POTEF: variants seen among roughly 807,000 people sequenced by gnomAD.
POTEF encodes the protein ANKRD26-like family C member 1B.
A neutral mutation model predicts 83.2 loss-of-function variants in POTEF; 20 were observed. The ratio of observed to expected loss-of-function variants is 0.24; its 90% CI spans 0.17 to 0.35. POTEF has a LOEUF of 0.35. POTEF is among the 10% of genes least tolerant of loss of function. POTEF has a pLI of 1.00. For synonymous variants in POTEF, 196 were observed against 446.4 expected (o/e 0.44, Z 7.07); for missense variants, 550 against 1,203.2 (o/e 0.46, Z 8.03).
intron 2 of POTEF, among the ~76,000 whole-genome samples, chr2:130,121,897 G>C (rs1468006002): frequency 7.3e-6 from 1 of 137,050 alleles, no homozygotes; most frequent in Non-Finnish European, 1.6e-5. Context: ...CATGATTTTA[G>C]AACATTTTTA....
rs552606995 is a variant in POTEF, at chr2:130,125,998, A to G, written c.-94+1711T>C. On this transcript the variant is annotated intron_variant, in intron 2 of 16. Coordinates refer to ENST00000409914, the MANE Select transcript of POTEF (RefSeq NM_001099771.2). ...ACCAGGTTTGCTCAGGCAGATGACA[A>G]TACTCTTGAAAATGGTGGCAGAGAG... 2.0e-5 allele frequency among the ~76,000 whole-genome samples: 3 copies of G among 151,800 alleles called. No individual in the cohort carries two copies. In the South Asian group the frequency reaches 6.2e-4, roughly 32 times the overall value.
At chr2:130,109,504 C>T (rs1448635686) in intron 7 of POTEF, 2 of 150,010 alleles carry the variant, frequency 1.3e-5, no homozygotes, top group African/African-American at 5.0e-5. Context: ...TAAATCAGAT[C>T]ACTCAAGGGG....
Position 130,074,966 on chromosome 2 carries a change from T to C in POTEF, c.2506A>G (p.Ile836Val), listed in dbSNP as rs1477966464. Residue 836 changes from isoleucine (I) to valine (V), a missense_variant, in exon 17 of 17, where the codon ATC (isoleucine) becomes GTC (valine). Coordinates refer to ENST00000409914, the MANE Select transcript of POTEF (RefSeq NM_001099771.2). ...TFNTPAMYVA[I>V]QAVLSLYTSG... Reference sequence around the variant, plus strand: ...GTGTACAGGGACAGCACAGCCTGGATGGCCACGTACATGGCTGGGGTGTTG... The same window carrying C: ...GTGTACAGGGACAGCACAGCCTGGACGGCCACGTACATGGCTGGGGTGTTG... The C allele has an allele frequency of 6.2e-7, 1 of 1,612,096 alleles. No individual in the cohort carries two copies. Among genetic ancestry groups the C allele is most frequent in the Non-Finnish European group, 8.5e-7 (1 of 1,179,588 alleles).
intron 3 of POTEF, among the ~76,000 whole-genome samples, chr2:130,116,034 G>A (rs1466984965): frequency 1.3e-5 from 2 of 152,068 alleles, no homozygotes; most frequent in Admixed American, 6.5e-5. Flanking sequence ...GTTATAACAG[G>A]TCCGGGGCGG....
chr2:130,111,796 TATA>T (rs1337776028), intron 6 of POTEF, among the ~76,000 whole-genome samples, 196 bp downstream of exon 6: 4 of 146,704 alleles, frequency 2.7e-5, no homozygotes, highest in East Asian at 2.0e-4. Flanking sequence ...CATCAGTCAA[TATA>T]ATAAGAGAAG....
In POTEF at chr2:130,120,476, C is replaced by T; in HGVS notation, c.40G>A (p.Val14Met). Residue 14 changes from valine to methionine, a missense_variant, in exon 3 of 17, where the codon GTG (valine) becomes ATG (methionine). Coordinates refer to ENST00000409914, the MANE Select transcript of POTEF (RefSeq NM_001099771.2). ...CTCCTGAGACCAAATGGCTTCTTCA[C>T]AGAAGAGGCAGCCGGCATGGAATCA... ...EVDSMPAASS[V>M]KKPFGLRSKM... The T allele has an allele frequency of 6.2e-7, 1 of 1,613,548 alleles. No homozygotes were observed. Among genetic ancestry groups the T allele is most frequent in the Non-Finnish European group, 8.5e-7 (1 of 1,179,866 alleles).
Position 130,107,885 on chromosome 2 carries a change from A to G in POTEF, c.1126+124T>C, listed in dbSNP as rs564235127. On this transcript the variant is annotated intron_variant, in intron 8 of 16. Transcript: ENST00000409914. ...AGCACAATAAATGTAACATGATTGA[A>G]TAATCCTGAAACCATCCCCACCCTC... 49 of 840,984 alleles carry G rather than the reference A, an allele frequency of 5.8e-5. 1 individual carries two copies. In the African/African-American group the frequency reaches 8.6e-4, roughly 15 times the overall value. 52.1% of individuals were successfully genotyped at this position (840,984 alleles called of 1,614,324 possible). A position where few individuals can be genotyped will look rare whatever the true frequency, so the allele number is the denominator to read the frequency against.
chr2:130,075,834 G>A (rs1312943592), intron 16 of POTEF, among the ~76,000 whole-genome samples: 2 of 147,002 alleles, frequency 1.4e-5, no homozygotes, highest in South Asian at 2.2e-4. Context: ...TTTATTTAAA[G>A]ACGATGAAAA....
intron 3 of POTEF, among the ~76,000 whole-genome samples, chr2:130,115,581 G>C (rs1684826706): frequency 6.6e-6 from 1 of 152,262 alleles, no homozygotes; most frequent in African/African-American, 2.4e-5. Context: ...CCTACTTGAA[G>C]CTCTGTCACT....
intron 3 of POTEF, among the ~76,000 whole-genome samples, chr2:130,118,318 G>A (rs1054495157): frequency 2.0e-5 from 3 of 151,884 alleles, no homozygotes; most frequent in African/African-American, 2.4e-5. Flanking sequence ...TACCAGGAAC[G>A]CTATCTTTTC....
chr2:130,106,919 G>A (rs909418478), intron 8 of POTEF, among the ~76,000 whole-genome samples: 5 of 149,980 alleles, frequency 3.3e-5, no homozygotes, highest in Non-Finnish European at 7.4e-5. Flanking sequence ...GCACAGAAAT[G>A]AAATGGAGAC....
At position 130,107,750 on chromosome 2, in the gene POTEF, T is replaced by A. The variant is rs866153070; in HGVS notation, c.1126+259A>T. On this transcript the variant is annotated intron_variant, in intron 8 of 16. Transcript: ENST00000409914. ...GTCACTGTCTCACTTTGCCCCCAGA[T>A]GAGACCATCCAGTTGCAGAAAAATA... 4.4e-5 allele frequency: 19 copies of A among 434,452 alleles called. 1 individual carries two copies. Among genetic ancestry groups the A allele is most frequent in the African/African-American group, 3.6e-4 (17 of 47,652 alleles). 26.9% of individuals were successfully genotyped at this position (434,452 alleles called of 1,614,324 possible).
In POTEF at chr2:130,075,158, C is replaced by G. The variant is rs778592105; in HGVS notation, c.2314G>C (p.Glu772Gln). The change falls in exon 17 of 17, where the codon GAA becomes CAA. Residue 772 changes from glutamate (E) to glutamine (Q), a missense_variant. Coordinates refer to ENST00000409914, the MANE Select transcript of POTEF (RefSeq NM_001099771.2). Reference sequence around the variant, plus strand: ...TCCCAGTTGGTGATGATGCCGTGTTCCATGGGGTACTTCAGGGTCAGGATG... The same window carrying G: ...TCCCAGTTGGTGATGATGCCGTGTTGCATGGGGTACTTCAGGGTCAGGATG... ...RGILTLKYPM[E>Q]HGIITNWDDM... 11 of 1,613,410 alleles carry G rather than the reference C, an allele frequency of 6.8e-6. No homozygotes were observed. The South Asian group carries it at 1.1e-4, about 16-fold the overall frequency.
At chr2:130,093,696 G>GT (rs1430449925) in intron 11 of POTEF, among the ~76,000 whole-genome samples, 188 bp from the exon 12 acceptor site, 1 of 65,924 alleles carries the variant, frequency 1.5e-5, no homozygotes, top group Non-Finnish European at 2.8e-5. Flanking sequence ...AGAAAAAAAA[G>GT]TAAGATGAAA....
intron 3 of POTEF, among the ~76,000 whole-genome samples, chr2:130,116,994 GTGTCTGGCTTATGTCTGA>G (rs1182920447): frequency 2.8e-5 from 4 of 144,490 alleles, no homozygotes; most frequent in Non-Finnish European, 6.0e-5. Flanking sequence ...CACATAATAG[GTGTCTGGCTTATGTCTGA>G]TGACTAAATG....
At position 130,078,229 on chromosome 2, in the gene POTEF, G is replaced by A; in HGVS notation, c.1779-1028C>T. Among the ~76,000 whole-genome samples the A allele has an allele frequency of 2.3e-5, 2 of 88,234 alleles. 1 individual carries two copies. Among genetic ancestry groups the A allele is most frequent in the Non-Finnish European group, 4.8e-5 (2 of 41,836 alleles). 57.9% of individuals were successfully genotyped at this position (88,234 alleles called of 152,430 possible). A position where few individuals can be genotyped will look rare whatever the true frequency, so the allele number is the denominator to read the frequency against. ...ACTCCTACAAAACACTCCTAGATTT[G>A]ATACATGAATTCAGTAAAGTCTCAG... On this transcript the variant is annotated intron_variant, in intron 15 of 16. Coordinates refer to ENST00000409914, the MANE Select transcript of POTEF (RefSeq NM_001099771.2).
chr2:130,121,341 T>A (rs1177892778), intron 2 of POTEF, among the ~76,000 whole-genome samples: 3 of 146,644 alleles, frequency 2.0e-5, no homozygotes, highest in African/African-American at 7.7e-5. Flanking sequence ...GGACTGGGGC[T>A]AAGCGTCTGG....
At chr2:130,128,260 A>G (rs1223619211) in intron 1 of POTEF, among the ~76,000 whole-genome samples, 5 of 151,186 alleles carry the variant, frequency 3.3e-5, no homozygotes, top group Non-Finnish European at 7.4e-5. Flanking sequence ...AACACAGAGC[A>G]TGGGGTGTGG....
At chr2:130,123,007 G>C (rs1254666620) in intron 2 of POTEF, among the ~76,000 whole-genome samples, 1 of 131,816 alleles carries the variant, frequency 7.6e-6, no homozygotes, top group Non-Finnish European at 1.6e-5. Flanking sequence ...AATTACTCTG[G>C]CAAGTCAGTT....
Sources: gnomAD v4.1 joint callset for allele counts (sites outside exome capture counted in the v4.1 genomes callset) on GRCh38, gnomAD v4.1.1 for gene constraint, MANE v1.5 for transcripts, NCBI Gene and HGNC (gene_info 2026-07-23, HGNC 2026-07-21) for gene names.